The following CLIP3 variants were observed in gnomAD, a reference collection of about 807,000 sequenced individuals.
The protein encoded by CLIP3 is CAP-Gly domain containing linker protein 3.
CLIP3 carries 15 observed loss-of-function variants against 59.4 expected under a neutral mutation model. The observed-to-expected ratio is 0.25, with a 90% confidence interval of 0.17 to 0.39. The LOEUF (loss-of-function observed/expected upper bound fraction) is 0.39. Among genes scored for constraint, CLIP3 ranks in the 10% least tolerant of loss-of-function variants. The probability of loss-of-function intolerance (pLI) is 1.00; values close to 1 mark genes in which losing one functional copy is unlikely to be tolerated. For synonymous variants in CLIP3, 300 were observed against 321.6 expected (o/e 0.93, Z 0.72); for missense variants, 495 against 765.7 (o/e 0.65, Z 4.17).
chr19:36,019,597 T>G (rs1968898682), intron 7 of CLIP3, among the ~76,000 whole-genome samples: 1 of 116,164 alleles, frequency 8.6e-6, no homozygotes, highest in South Asian at 2.5e-4. Flanking sequence ...TTTATTTATT[T>G]ATTTTATTTA....
In CLIP3 at chr19:36,026,351, G is replaced by T; in HGVS notation, c.563-86C>A. 7.7e-7 allele frequency: 1 copy of T among 1,300,916 alleles called. No homozygotes were observed. 80.6% of individuals were successfully genotyped at this position (1,300,916 alleles called of 1,614,324 possible). On this transcript the variant is annotated intron_variant, in intron 5 of 13. Transcript: ENST00000360535. This position sits in a 1 kb window ranked among gnomAD's most constrained non-coding sequence, Gnocchi z 6.3. ...CACCTCGGGGCTCATCTCTTAACTT[G>T]CAGGTCCCAGAGCCTCCGACGCAGA...
chr19:36,025,096 A>G (rs1309592885), intron 6 of CLIP3, among the ~76,000 whole-genome samples: 1 of 149,732 alleles, frequency 6.7e-6, no homozygotes, highest in Non-Finnish European at 1.5e-5. Context: ...GGCAGGGCAG[A>G]AAGGTGCAGA....
rs1969119858 is a variant in CLIP3 at position 36,026,656 on chromosome 19, C to G, written c.492G>C (p.Ala164=). Residue 164 remains alanine (A), a synonymous_variant, in exon 5 of 14, where the codon GCG becomes GCC. Transcript: ENST00000360535. The surrounding 1 kb of genome is among the most constrained non-coding windows in gnomAD (Gnocchi z 6.3). The part of the protein sequence containing the change: ...TLRSRWTNMN[A]LHYAAYFDVP... ...CATCAAAATAGGCCGCGTAGTGAAGCGCGTTCATGTTGGTCCAGCGGCTGC... is the reference window on the plus strand; with the variant it reads ...CATCAAAATAGGCCGCGTAGTGAAGGGCGTTCATGTTGGTCCAGCGGCTGC... The G allele has an allele frequency of 2.5e-6, 4 of 1,613,004 alleles. No individual in the cohort carries two copies. In the African/African-American group the frequency reaches 5.3e-5, roughly 22 times the overall value.
intron 9 of CLIP3, among the ~76,000 whole-genome samples, 157 bp downstream of exon 9, chr19:36,018,741 G>A (rs2145390854): frequency 6.6e-6 from 1 of 152,272 alleles, no homozygotes; most frequent in East Asian, 1.9e-4. Flanking sequence ...TGCCAGTACT[G>A]AGCCAAAGGG....
intron 2 of CLIP3, 32 bp from the exon 3 acceptor site, chr19:36,027,303 C>A: frequency 6.4e-7 from 1 of 1,560,576 alleles, no homozygotes; most frequent in South Asian, 1.2e-5. Flanking sequence ...GGTCACCCCA[C>A]GCAACTGACC....
At chr19:36,017,594 T>A in intron 11 of CLIP3, 61 bp downstream of exon 11, 1 of 1,609,330 alleles carries the variant, frequency 6.2e-7, no homozygotes, top group Admixed American at 1.7e-5. Context: ...GAGGAGGCCA[T>A]CTGAGGGGGG....
chr19:36,017,701 A>C lies in CLIP3; in HGVS notation c.1405T>G (p.Cys469Gly). 6.2e-7 allele frequency: 1 copy of C among 1,613,906 alleles called. No individual in the cohort carries two copies. The highest frequency in any genetic ancestry group is 1.3e-5 in the African/African-American group (1 of 74,992). ...GCGAAGACCCCATGCCTCGGGGGGC[A>C]AGTGAAGTACCGGACACCGAAGACA... ...GSVFGVRYFT[C>G]PPRHGVFAPA... is the part of the protein sequence containing the mutation. Residue 469 changes from cysteine (C) to glycine (G), a missense_variant, in exon 11 of 14, where the codon TGC (cysteine) becomes GGC (glycine). Physicochemically the swap from Cys to Gly is radical, Grantham distance 159. Around this residue, in one of 5 missense-constraint regions of CLIP3, gnomAD observed 179 missense variants for 226.2 expected, o/e 0.79. Transcript: ENST00000360535.
Position 36,026,096 on chromosome 19 carries a change from G to A in CLIP3, c.681+51C>T. On this transcript the variant is annotated intron_variant, in intron 6 of 13. Transcript: ENST00000360535. This position sits in a 1 kb window ranked among gnomAD's most constrained non-coding sequence, Gnocchi z 6.3. ...CGCAGAGACCTGCTGGAGGGAAGTG[G>A]GGGAGGAAGGGAGCAGGAGGGTAAC... 1 of 1,386,932 alleles carries A rather than the reference G, an allele frequency of 7.2e-7. No individual in the cohort carries two copies. 85.9% of individuals were successfully genotyped at this position (1,386,932 alleles called of 1,614,324 possible).
At chr19:36,031,008 C>CTTT (rs374690845) in intron 2 of CLIP3, among the ~76,000 whole-genome samples, 895 of 77,696 alleles carry the variant, frequency 0.012, 4 homozygotes, top group Non-Finnish European at 0.014. Flanking sequence ...TTTTTCTTTT[C>CTTT]TTTTTTTTTT....
Position 36,026,522 on chromosome 19 carries a change from A to C in CLIP3, c.562+64T>G. On this transcript the variant is annotated intron_variant, in intron 5 of 13. Transcript: ENST00000360535. The surrounding 1 kb of genome is among the most constrained non-coding windows in gnomAD (Gnocchi z 6.3). Reference sequence around the variant, plus strand: ...CTCCTTCCCCTCGCAGCCTGGCCTCACCTGGGTCTCCGCGTCCCTCACCCA... The same window carrying C: ...CTCCTTCCCCTCGCAGCCTGGCCTCCCCTGGGTCTCCGCGTCCCTCACCCA... The C allele has an allele frequency of 6.3e-7, 1 of 1,597,580 alleles. No homozygotes were observed. The highest frequency in any genetic ancestry group is 8.5e-7 in the Non-Finnish European group (1 of 1,170,564).
rs567753558 is a variant in CLIP3, at chr19:36,026,854, G to A, written c.400+98C>T. 34 of 1,530,940 alleles carry A rather than the reference G, an allele frequency of 2.2e-5. No individual in the cohort carries two copies. Among genetic ancestry groups the A allele is most frequent in the South Asian group, 2.0e-4 (16 of 81,448 alleles). 94.8% of individuals were successfully genotyped at this position (1,530,940 alleles called of 1,614,324 possible). A position where few individuals can be genotyped will look rare whatever the true frequency, so the allele number is the denominator to read the frequency against. On this transcript the variant is annotated intron_variant, in intron 4 of 13. Coordinates refer to ENST00000360535, the MANE Select transcript of CLIP3 (RefSeq NM_015526.3). The surrounding 1 kb of genome is among the most constrained non-coding windows in gnomAD (Gnocchi z 6.3). Reference sequence around the variant, plus strand: ...ACTATACTTTGGGATCCGAAGCTTCGGGTTCCAGATGGGGCCTGAGTTCTG... The same window carrying A: ...ACTATACTTTGGGATCCGAAGCTTCAGGTTCCAGATGGGGCCTGAGTTCTG...
In CLIP3 at chr19:36,032,138, C is replaced by G; in HGVS notation, c.166+54G>C. On this transcript the variant is annotated intron_variant, in intron 2 of 13. Coordinates refer to ENST00000360535, the MANE Select transcript of CLIP3 (RefSeq NM_015526.3). This position sits in a 1 kb window ranked among gnomAD's most constrained non-coding sequence, Gnocchi z 4.3. ...CACCACCAGCAGAGCACAGCCCACC[C>G]TCCCCGGCCACCCAACGCTCCAGGC... is the stretch of plus-strand genomic sequence containing the variant. 9.6e-7 allele frequency: 1 copy of G among 1,036,284 alleles called. No individual in the cohort carries two copies. Among genetic ancestry groups the G allele is most frequent in the Non-Finnish European group, 1.3e-6 (1 of 794,094 alleles). The allele number at this position is 1,036,284 out of a possible 1,614,324, so 64.2% of individuals were successfully genotyped here.
At chr19:36,024,804 C>A (rs940038417) in intron 6 of CLIP3, among the ~76,000 whole-genome samples, 172 bp from the exon 7 acceptor site, 3 of 152,204 alleles carry the variant, frequency 2.0e-5, no homozygotes, top group Admixed American at 2.0e-4. Flanking sequence ...AGGTGGCTCA[C>A]GCCTGTAATC....
intron 7 of CLIP3, among the ~76,000 whole-genome samples, chr19:36,022,088 G>A (rs1248010645): frequency 6.6e-6 from 1 of 151,668 alleles, no homozygotes; most frequent in African/African-American, 2.4e-5. Flanking sequence ...CACCGGGTTA[G>A]CCAGGATGGT....
intron 7 of CLIP3, among the ~76,000 whole-genome samples, chr19:36,023,709 A>C (rs1568542044): frequency 6.6e-6 from 1 of 151,948 alleles, no homozygotes. Flanking sequence ...CCCAGCCCAG[A>C]AATCATCTCA....
chr19:36,017,604 G>A (rs1443704787), intron 11 of CLIP3, 51 bp downstream of exon 11: 2 of 1,610,928 alleles, frequency 1.2e-6, no homozygotes, highest in African/African-American at 1.3e-5. Context: ...TCTGAGGGGG[G>A]ATCAGGGCTC....
intron 2 of CLIP3, among the ~76,000 whole-genome samples, chr19:36,030,811 C>T (rs532188996): frequency 7.1e-4 from 108 of 152,242 alleles, no homozygotes; most frequent in African/African-American, 2.5e-3. Flanking sequence ...GCCTCAGGGC[C>T]TTTGCACTTG....
chr19:36,016,267 A>G lies in CLIP3; in HGVS notation c.1590-55T>C. 1.3e-6 allele frequency: 2 copies of G among 1,590,516 alleles called. No homozygotes were observed. Among genetic ancestry groups the G allele is most frequent in the Non-Finnish European group, 1.7e-6 (2 of 1,160,016 alleles). On this transcript the variant is annotated intron_variant, in intron 13 of 13. Transcript: ENST00000360535. This position sits in a 1 kb window ranked among gnomAD's most constrained non-coding sequence, Gnocchi z 4.1. ...TTAGGCAGGCAGCGGGGACATCTGC[A>G]CCCATCACCCCCAGCCTTTCCCCCA...
At chr19:36,022,809 A>G (rs1416044832) in intron 7 of CLIP3, among the ~76,000 whole-genome samples, 2 of 152,144 alleles carry the variant, frequency 1.3e-5, no homozygotes, top group African/African-American at 4.8e-5. Flanking sequence ...TAATCCCAGC[A>G]CTTTGGGAGG....
Sources: gnomAD v4.1 joint callset for allele counts (sites outside exome capture counted in the v4.1 genomes callset) on GRCh38, gnomAD v4.1.1 for gene constraint, gnomAD v4.1.1 regional missense constraint, Gnocchi (gnomAD v3.1) non-coding constraint, MANE v1.5 for transcripts, NCBI Gene and HGNC (gene_info 2026-07-23, HGNC 2026-07-21) for gene names.